The following PPP1R42 variants were observed in gnomAD, a reference collection of about 807,000 sequenced individuals.
The protein encoded by PPP1R42 is protein phosphatase 1 regulatory subunit 42.
Under a neutral mutation model 31.0 loss-of-function variants are expected in PPP1R42, and 34 were observed. That is an observed-to-expected ratio of 1.10 (90% CI 0.83 to 1.46). The LOEUF is 1.46. Ranked by LOEUF, PPP1R42 falls within the 40% of genes most tolerant of loss-of-function variation. The pLI, the probability that PPP1R42 is intolerant of heterozygous loss-of-function variation, is 0.00. For synonymous variants in PPP1R42, 103 were observed against 109.8 expected (o/e 0.94, Z 0.39); for missense variants, 268 against 303.0 (o/e 0.88, Z 0.86).
intron 7 of PPP1R42, among the ~76,000 whole-genome samples, chr8:66,975,292 T>G (rs1426214472): frequency 6.6e-6 from 1 of 152,238 alleles, no homozygotes; most frequent in Non-Finnish European, 1.5e-5. Context: ...TTATTGTAAA[T>G]GGGATTATTT....
At chr8:66,965,279 AAAG>A (rs1814349341) in intron 7 of PPP1R42, among the ~76,000 whole-genome samples, 1 of 151,840 alleles carries the variant, frequency 6.6e-6, no homozygotes, top group African/African-American at 2.4e-5. Context: ...AAAAAAAAAA[AAAG>A]AAAACCTTTG....
At chr8:66,986,833 A>C (rs1346026876) in intron 6 of PPP1R42, among the ~76,000 whole-genome samples, 1 of 152,124 alleles carries the variant, frequency 6.6e-6, no homozygotes, top group Non-Finnish European at 1.5e-5. Context: ...TGATAACTAG[A>C]ATTAGCCATC....
chr8:66,987,459 T>G (rs1815058594), intron 6 of PPP1R42, among the ~76,000 whole-genome samples: 2 of 151,984 alleles, frequency 1.3e-5, no homozygotes, highest in Non-Finnish European at 2.9e-5. Flanking sequence ...CCCTGGCTAT[T>G]CTTTTGTATT....
chr8:66,992,803 G>C (rs183949011), intron 5 of PPP1R42, among the ~76,000 whole-genome samples: 1 of 152,312 alleles, frequency 6.6e-6, no homozygotes, highest in Admixed American at 6.5e-5. Flanking sequence ...TAAAGAAAGA[G>C]AGGTCATCTA....
At chr8:66,975,519 G>A (rs940747862) in intron 7 of PPP1R42, among the ~76,000 whole-genome samples, 4 of 152,026 alleles carry the variant, frequency 2.6e-5, no homozygotes, top group Non-Finnish European at 5.9e-5. Context: ...GGTGGCACAC[G>A]CCTGTAATCC....
intron 5 of PPP1R42, among the ~76,000 whole-genome samples, chr8:67,008,523 C>T (rs1158859509): frequency 1.3e-5 from 2 of 152,018 alleles, no homozygotes; most frequent in African/African-American, 4.8e-5. Context: ...GTCTGGCCAA[C>T]ATGGCGAAAC....
intron 6 of PPP1R42, chr8:66,985,667 G>A: frequency 7.5e-7 from 1 of 1,332,830 alleles, no homozygotes; most frequent in Non-Finnish European, 1.1e-6. Flanking sequence ...TGGGAGGGCT[G>A]AATAGTGTGG....
Position 66,988,495 on chromosome 8 carries a change from T to C in PPP1R42, c.575A>G (p.Lys192Arg). 1 of 1,607,558 alleles carries C rather than the reference T, an allele frequency of 6.2e-7. No homozygotes were observed. Among genetic ancestry groups the C allele is most frequent in the South Asian group, 1.1e-5 (1 of 89,292 alleles). ...ATCAATTTTCCACAGCTTCATCAAC[T>C]TGTTCAGTAAAAACTCCAAATCCTA... The part of the protein sequence containing the change: ...HVKDLEFLLN[K>R]LMKLWKIDLN... Residue 192 changes from lysine (K) to arginine (R), a missense_variant, in exon 6 of 8, where the codon AAG (lysine) becomes AGG (arginine). By Grantham distance (26) the Lys-to-Arg change is conservative. Coordinates refer to ENST00000685739, the MANE Select transcript of PPP1R42 (RefSeq NM_001364910.1).
chr8:66,966,677 C>T (rs1193489544), intron 7 of PPP1R42, among the ~76,000 whole-genome samples: 5 of 151,768 alleles, frequency 3.3e-5, no homozygotes, highest in East Asian at 1.9e-4. Context: ...CCGAGCTACT[C>T]GGGAGGCTGA....
At chr8:66,972,463 C>T (rs960918433) in intron 7 of PPP1R42, among the ~76,000 whole-genome samples, 2 of 152,134 alleles carry the variant, frequency 1.3e-5, no homozygotes, top group African/African-American at 4.8e-5. Context: ...AATCTCGGCT[C>T]ACTACAACCT....
chr8:66,987,424 T>A (rs905199622), intron 6 of PPP1R42, among the ~76,000 whole-genome samples: 4 of 151,464 alleles, frequency 2.6e-5, no homozygotes, highest in Non-Finnish European at 5.9e-5. Flanking sequence ...CCCGAGTAGC[T>A]GAGATTACAT....
In PPP1R42 at chr8:67,028,502, C is replaced by G. The variant is rs2129537362; in HGVS notation, c.-96G>C. On this transcript the variant is annotated 5_prime_UTR_variant, in exon 1 of 8. Transcript: ENST00000685739. ...CGCGGGCAGCTCACCGCTCGCGGGA[C>G]AGTCCGGTAGCTAACTCCAGTTTGG... 1 of 985,560 alleles carries G rather than the reference C, an allele frequency of 1.0e-6. No individual in the cohort carries two copies. Among genetic ancestry groups the G allele is most frequent in the African/African-American group, 1.7e-5 (1 of 57,398 alleles). The allele number at this position is 985,560 out of a possible 1,614,324, so 61.1% of individuals were successfully genotyped here.
intron 7 of PPP1R42, among the ~76,000 whole-genome samples, chr8:66,970,557 T>G (rs909127421): frequency 2.8e-4 from 43 of 152,240 alleles, no homozygotes; most frequent in African/African-American, 1.0e-3. Flanking sequence ...GTAGAAGTGG[T>G]GAAAGTAGTC....
chr8:67,017,228 C>CT (rs1816041937), intron 2 of PPP1R42, among the ~76,000 whole-genome samples: 1 of 152,134 alleles, frequency 6.6e-6, no homozygotes, highest in Non-Finnish European at 1.5e-5. Context: ...AATCCCAGCA[C>CT]TTTGGAAGGC....
At position 66,984,884 on chromosome 8, in the gene PPP1R42, G is replaced by GT; in HGVS notation, c.671-2705dup. Reference sequence around the variant, plus strand: ...GCTTCCCTCCTTGTCTGTCTCTGAAGTTTTTTCTGTTCCTTCTTGGTAAGA... The same window carrying GT: ...GCTTCCCTCCTTGTCTGTCTCTGAAGTTTTTTTCTGTTCCTTCTTGGTAAGA... On this transcript the variant is annotated intron_variant, in intron 6 of 7. Transcript: ENST00000685739. 5.7e-6 allele frequency: 9 copies of GT among 1,566,378 alleles called. No homozygotes were observed. In the South Asian group the frequency reaches 1.0e-4, roughly 17 times the overall value.
chr8:67,017,617 A>ACAAT lies in PPP1R42; in HGVS notation c.127_129+1dup, dbSNP rs1434809937. 7.7e-6 allele frequency: 11 copies of ACAAT among 1,426,082 alleles called. No individual in the cohort carries two copies. The highest frequency in any genetic ancestry group is 9.4e-6 in the Non-Finnish European group (10 of 1,064,882). 88.3% of individuals were successfully genotyped at this position (1,426,082 alleles called of 1,614,324 possible). A position where few individuals can be genotyped will look rare whatever the true frequency, so the allele number is the denominator to read the frequency against. On this transcript the variant is annotated splice_donor_variant, in intron 2 of 7. Transcript: ENST00000685739. LOFTEE classifies it high-confidence loss of function. ...AATAGGAAATAATTTCAAAGTTCTT[A>ACAAT]CAATTGCATCTATATTTTTGTCTGA... is the stretch of plus-strand genomic sequence containing the variant.
At chr8:66,971,589 T>C (rs1159657075) in intron 7 of PPP1R42, among the ~76,000 whole-genome samples, 1 of 152,172 alleles carries the variant, frequency 6.6e-6, no homozygotes, top group African/African-American at 2.4e-5. Context: ...CCTATTCACC[T>C]CTAATCCACA....
chr8:67,025,544 G>GTTT (rs112945724), intron 1 of PPP1R42, among the ~76,000 whole-genome samples: 4 of 141,422 alleles, frequency 2.8e-5, no homozygotes, highest in African/African-American at 7.7e-5. Flanking sequence ...CCATCTTAGG[G>GTTT]TTTTTTTTTT....
intron 6 of PPP1R42, 93 bp downstream of exon 6, chr8:66,988,307 T>C: frequency 7.8e-7 from 1 of 1,282,164 alleles, no homozygotes; most frequent in Non-Finnish European, 9.9e-7. Context: ...GATCCAGATG[T>C]CAGATTTATA....
Sources: allele counts gnomAD v4.1 joint callset (sites outside exome capture counted in the v4.1 genomes callset), GRCh38; gene constraint gnomAD v4.1.1; transcripts MANE v1.5; gene names NCBI Gene and HGNC (gene_info 2026-07-23, HGNC 2026-07-21).